EXT1: variants seen among roughly 807,000 people sequenced by gnomAD.
EXT1 encodes the protein exostosin glycosyltransferase 1, also known as exostosin-1.
In EXT1, 20 loss-of-function variants were observed where a neutral mutation model predicts 82.5. The ratio of observed to expected loss-of-function variants is 0.24; its 90% CI spans 0.17 to 0.35. EXT1 has a LOEUF of 0.35. Ranked by LOEUF, EXT1 falls within the 10% of genes least tolerant of loss-of-function variation. The pLI is 1.00. For missense variants in EXT1, 757 were observed against 936.5 expected (o/e 0.81, Z 2.50); for synonymous variants, 348 against 350.8 (o/e 0.99, Z 0.09).
chr8:117,937,485 G>A (rs1214916092), intron 1 of EXT1, among the ~76,000 whole-genome samples: 2 of 152,202 alleles, frequency 1.3e-5, no homozygotes, highest in Non-Finnish European at 2.9e-5. Context: ...GATTTATGAA[G>A]TCTGTGTTTC....
intron 1 of EXT1, among the ~76,000 whole-genome samples, chr8:117,953,101 T>C (rs2129699263): frequency 6.6e-6 from 1 of 152,322 alleles, no homozygotes; most frequent in East Asian, 1.9e-4. Flanking sequence ...CCCTCTTTTG[T>C]TGCTCCAGTC....
chr8:117,848,732 C>G (rs1812406259), intron 1 of EXT1, among the ~76,000 whole-genome samples: 1 of 152,252 alleles, frequency 6.6e-6, no homozygotes, highest in Middle Eastern at 3.4e-3. Context: ...CTTCCTATAC[C>G]TCCTTAATCC....
chr8:117,892,558 T>C (rs913700997), intron 1 of EXT1, among the ~76,000 whole-genome samples: 15 of 152,122 alleles, frequency 9.9e-5, no homozygotes, highest in African/African-American at 3.6e-4. Flanking sequence ...GTGAGTGAGA[T>C]GGAAAGCCAC....
At chr8:118,074,381 G>C (rs980708739) in intron 1 of EXT1, among the ~76,000 whole-genome samples, 4 of 152,182 alleles carry the variant, frequency 2.6e-5, no homozygotes, top group African/African-American at 9.6e-5. Context: ...GGGAGCTCCA[G>C]CTAAGTTGCA....
At chr8:118,078,726 A>G (rs941161900) in intron 1 of EXT1, among the ~76,000 whole-genome samples, 2 of 152,206 alleles carry the variant, frequency 1.3e-5, no homozygotes, top group African/African-American at 4.8e-5. Flanking sequence ...AATTGCTCCT[A>G]TTCATAAATA....
intron 1 of EXT1, among the ~76,000 whole-genome samples, chr8:117,859,397 A>G (rs1036260426): frequency 6.6e-6 from 1 of 152,206 alleles, no homozygotes; most frequent in African/African-American, 2.4e-5. Flanking sequence ...GAAGAAAACA[A>G]TAATTGAGAG....
intron 1 of EXT1, among the ~76,000 whole-genome samples, chr8:118,044,424 T>G (rs1017638990): frequency 1.2e-4 from 18 of 151,238 alleles, no homozygotes; most frequent in Non-Finnish European, 7.4e-5. Context: ...TTTTTTTTTT[T>G]GAGACGGAGT....
chr8:117,964,617 G>A (rs1814768269), intron 1 of EXT1, among the ~76,000 whole-genome samples: 1 of 115,468 alleles, frequency 8.7e-6, no homozygotes, highest in Non-Finnish European at 1.6e-5. Context: ...ATGTCTGTGT[G>A]TGTGTGTGTT....
At chr8:118,074,353 A>G (rs1014643287) in intron 1 of EXT1, among the ~76,000 whole-genome samples, 2 of 152,164 alleles carry the variant, frequency 1.3e-5, no homozygotes, top group African/African-American at 2.4e-5. Context: ...ACCCGTGAAG[A>G]GCCAGGAATG....
intron 1 of EXT1, among the ~76,000 whole-genome samples, chr8:118,072,174 C>G (rs1037770933): frequency 9.2e-5 from 14 of 152,166 alleles, no homozygotes; most frequent in Admixed American, 8.5e-4. Context: ...ACACGGTGAG[C>G]ATGAAATTAG....
intron 4 of EXT1, among the ~76,000 whole-genome samples, chr8:117,823,494 T>TC (rs979063204): frequency 6.6e-6 from 1 of 150,424 alleles, no homozygotes. Flanking sequence ...TTTTCAGCAA[T>TC]TTTTTTTACA....
At chr8:117,837,899 G>C (rs934946821) in intron 1 of EXT1, among the ~76,000 whole-genome samples, 2 of 151,618 alleles carry the variant, frequency 1.3e-5, no homozygotes, top group African/African-American at 4.8e-5. Context: ...CAGGAAACTG[G>C]TCTACAGAAG....
chr8:117,918,711 C>T (rs986832059), intron 1 of EXT1, among the ~76,000 whole-genome samples: 1 of 152,218 alleles, frequency 6.6e-6, no homozygotes, highest in African/African-American at 2.4e-5. Context: ...CTGAGCGTCC[C>T]ACTGAGCTAC....
At chr8:117,811,902 C>T (rs1823331421) in intron 8 of EXT1, among the ~76,000 whole-genome samples, 1 of 152,210 alleles carries the variant, frequency 6.6e-6, no homozygotes, top group African/African-American at 2.4e-5. Flanking sequence ...GCGTGAGCCA[C>T]CGCGTCAGGC....
At chr8:118,030,928 C>T (rs940524337) in intron 1 of EXT1, among the ~76,000 whole-genome samples, 2 of 152,198 alleles carry the variant, frequency 1.3e-5, no homozygotes, top group African/African-American at 2.4e-5. Context: ...TTCACTCTTA[C>T]GTTTCTAAAG....
intron 1 of EXT1, among the ~76,000 whole-genome samples, chr8:117,931,355 G>A (rs192625160): frequency 2.6e-4 from 39 of 152,184 alleles, no homozygotes; most frequent in Admixed American, 1.7e-3. Flanking sequence ...TTCAAAGGAG[G>A]CATGCTTAGA....
chr8:117,905,381 G>A (rs762548158), intron 1 of EXT1, among the ~76,000 whole-genome samples: 7 of 152,154 alleles, frequency 4.6e-5, no homozygotes, highest in Non-Finnish European at 8.8e-5. Context: ...TCCACACCAA[G>A]TCCTGTTGTT....
intron 1 of EXT1, among the ~76,000 whole-genome samples, chr8:118,031,469 G>C (rs1365991062): frequency 6.6e-6 from 1 of 151,782 alleles, no homozygotes; most frequent in Non-Finnish European, 1.5e-5. Context: ...AGGTTGCAGT[G>C]AGCTGAGATC....
intron 7 of EXT1, among the ~76,000 whole-genome samples, chr8:117,815,393 T>A (rs997959494): frequency 1.3e-5 from 2 of 152,228 alleles, no homozygotes; most frequent in African/African-American, 2.4e-5. Flanking sequence ...AAAGGATCTG[T>A]TTCCTTTTTT....
Sources: gnomAD v4.1 joint callset for allele counts (sites outside exome capture counted in the v4.1 genomes callset) on GRCh38, gnomAD v4.1.1 for gene constraint, MANE v1.5 for transcripts, NCBI Gene and HGNC (gene_info 2026-07-23, HGNC 2026-07-21) for gene names.